LRRC74B: variants seen among roughly 807,000 people sequenced by gnomAD.
LRRC74B encodes the protein leucine-rich repeat-containing protein 74B.
A neutral mutation model predicts 16.6 loss-of-function variants in LRRC74B; 30 were observed. The observed-to-expected ratio is 1.80, with a 90% CI of 1.35 to 2.45. The LOEUF (loss-of-function observed/expected upper bound fraction) is 2.45. Among genes scored for constraint, LRRC74B ranks in the 30% most tolerant of loss-of-function variants. The probability of loss-of-function intolerance (pLI) is 0.00; values close to 1 mark genes in which losing one functional copy is unlikely to be tolerated. For synonymous variants in LRRC74B, 134 were observed against 86.0 expected, an observed-to-expected ratio of 1.56 and a Z score of -3.09; for missense variants, 326 against 202.4, an observed-to-expected ratio of 1.61 and a Z score of -3.71.
At chr22:21,048,473 C>T (rs1929676506) in intron 3 of LRRC74B, 5 of 256,934 alleles carry the variant, frequency 1.9e-5, no homozygotes, top group South Asian at 1.6e-4. Flanking sequence ...AGTTTCTGAT[C>T]TGTGAAATGG....
chr22:21,046,234 C>A (rs1929419602), intron 1 of LRRC74B, 109 bp downstream of exon 1: 1 of 627,384 alleles, frequency 1.6e-6, no homozygotes, highest in Non-Finnish European at 2.9e-6. Flanking sequence ...TACCCGCCTG[C>A]GGGGCGCCTC....
At chr22:21,047,286 A>G in intron 1 of LRRC74B, 70 bp from the exon 2 acceptor site, 1 of 672,086 alleles carries the variant, frequency 1.5e-6, no homozygotes, top group East Asian at 2.7e-5. Flanking sequence ...AGGTAGTGAC[A>G]CAGGGCAGGG....
intron 3 of LRRC74B, chr22:21,048,540 C>T (rs545964596): frequency 1.4e-5 from 4 of 280,246 alleles, no homozygotes; most frequent in South Asian, 9.0e-5. Context: ...AAATGCACTC[C>T]TGAAGTGGTC....
intron 8 of LRRC74B, among the ~76,000 whole-genome samples, chr22:21,057,823 G>C (rs375537504): frequency 0.013 from 1,915 of 146,056 alleles, 105 homozygotes; most frequent in East Asian, 0.09. Context: ...TGCCCAGGCT[G>C]GTTGCAAACT....
At chr22:21,057,393 G>A (rs901963017) in intron 8 of LRRC74B, among the ~76,000 whole-genome samples, 193 bp downstream of exon 8, 1 of 152,218 alleles carries the variant, frequency 6.6e-6, no homozygotes, top group Non-Finnish European at 1.5e-5. Flanking sequence ...CAGACTGCTG[G>A]TTCCACGGGA....
chr22:21,049,830 G>T (rs1004131659), intron 4 of LRRC74B, among the ~76,000 whole-genome samples: 3 of 152,062 alleles, frequency 2.0e-5, no homozygotes, highest in East Asian at 1.9e-4. Context: ...TCTCATCACT[G>T]TCATGCCCCT....
intron 4 of LRRC74B, among the ~76,000 whole-genome samples, chr22:21,050,771 C>G (rs559343524): frequency 2.4e-4 from 23 of 97,530 alleles, no homozygotes; most frequent in Admixed American, 8.7e-4. Flanking sequence ...GAGCGAGACT[C>G]TGTCTCAAAA....
At position 21,052,609 on chromosome 22, in the gene LRRC74B, C is replaced by A. The variant is rs371017648; in HGVS notation, c.732+251C>A. Among the ~76,000 whole-genome samples, 19 of 152,156 alleles carry A rather than the reference C, an allele frequency of 1.2e-4. No homozygotes were observed. The East Asian group carries it at 3.7e-3, about 29-fold the overall frequency. The stretch of plus-strand genomic sequence containing the variant: ...TTGCACCTTCCCCAGACACCATAGA[C>A]ACCCAGCTGGGAAGGGACATCTGTG... On this transcript the variant is annotated intron_variant, in intron 5 of 8. Transcript: ENST00000442047.
chr22:21,060,910 T>C (rs1351043507), downstream of LRRC74B, among the ~76,000 whole-genome samples: 1 of 152,182 alleles, frequency 6.6e-6, no homozygotes, highest in Non-Finnish European at 1.5e-5. Context: ...GGGCACAGCC[T>C]TTTTGGAAGG....
At chr22:21,055,224 A>G (rs1168115583) in intron 7 of LRRC74B, 48 bp downstream of exon 7, 2 of 702,902 alleles carry the variant, frequency 2.8e-6, no homozygotes, top group African/African-American at 3.5e-5. Context: ...CCTGCCCTGT[A>G]ACAGTCCACA....
chr22:21,053,404 TG>T lies in LRRC74B; in HGVS notation c.781del (p.Asp261IlefsTer11). 1.4e-6 allele frequency: 1 copy of T among 717,590 alleles called. No individual in the cohort carries two copies. The allele number at this position is 717,590 out of a possible 1,614,324, so 44.5% of individuals were successfully genotyped here. ...TTCTAGACATCTCATACAATGGCTT[TG>T]GGGATCCTGGAGCCTCTGCGGTGGG... On this transcript the variant is annotated frameshift_variant, in exon 6 of 9. Coordinates refer to ENST00000442047, the Ensembl canonical transcript of LRRC74B. LOFTEE classifies it high-confidence loss of function.
chr22:21,045,958 G>T (rs1569191809), upstream of LRRC74B: 3 of 716,070 alleles, frequency 4.2e-6, no homozygotes, highest in South Asian at 4.4e-5. Flanking sequence ...CTCCGACTCA[G>T]TGTCTGAGAC....
In LRRC74B at chr22:21,057,210, T is replaced by A; in HGVS notation, c.1023+10T>A. 1.4e-6 allele frequency: 1 copy of A among 717,082 alleles called. No individual in the cohort carries two copies. The highest frequency in any genetic ancestry group is 1.5e-5 in the South Asian group (1 of 67,536). 44.4% of individuals were successfully genotyped at this position (717,082 alleles called of 1,614,324 possible). A position where few individuals can be genotyped will look rare whatever the true frequency, so the allele number is the denominator to read the frequency against. ...ACTGCTGGATTTCTCAGTAAGAGCA[T>A]TTTATAAACCTCGTTTCTGATCCTC... On this transcript the variant is annotated intron_variant, in intron 8 of 8. Transcript: ENST00000442047.
exon 6 of LRRC74B, chr22:21,053,450 A>G (rs201222591): frequency 7.9e-5 from 57 of 717,130 alleles, no homozygotes; most frequent in Non-Finnish European, 1.2e-4. Flanking sequence ...GAAGGCCAAC[A>G]ACGTGTTGGA....
downstream of LRRC74B, chr22:21,062,733 A>T (rs1194876527): frequency 6.6e-6 from 1 of 151,190 alleles, no homozygotes; most frequent in East Asian, 1.9e-4. Context: ...AAAAAAAAAA[A>T]AAGGAAGAAT....
At chr22:21,063,234 G>A (rs558702382), downstream of LRRC74B, 2 of 152,086 alleles carry the variant, frequency 1.3e-5, no homozygotes, top group South Asian at 4.1e-4. Context: ...TTCAAAAGGA[G>A]TATTGAGTCC....
At chr22:21,061,326 A>G (rs1930796860), downstream of LRRC74B, among the ~76,000 whole-genome samples, 1 of 152,220 alleles carries the variant, frequency 6.6e-6, no homozygotes, top group Non-Finnish European at 1.5e-5. Context: ...CTCAAAAAAA[A>G]AAAAGATGCC....
rs1444096842 is a variant in LRRC74B at position 21,053,355 on chromosome 22, T to C, written c.733-5T>C. 3 of 716,600 alleles carry C rather than the reference T, an allele frequency of 4.2e-6. No individual in the cohort carries two copies. The highest frequency in any genetic ancestry group is 7.8e-6 in the Non-Finnish European group (3 of 384,676). The allele number at this position is 716,600 out of a possible 1,614,324, so 44.4% of individuals were successfully genotyped here. A position where few individuals can be genotyped will look rare whatever the true frequency, so the allele number is the denominator to read the frequency against. ...GTCCCATGACTTCACTCTTTGGTAT[T>C]CTAGGCAAACATCTTCCTTAAAGTT... On this transcript the variant is annotated splice_polypyrimidine_tract_variant and splice_region_variant and intron_variant, in intron 5 of 8. Transcript: ENST00000442047.
At chr22:21,049,233 C>G (rs376461245) in intron 4 of LRRC74B, 76 bp downstream of exon 4, 4 of 617,918 alleles carry the variant, frequency 6.5e-6, no homozygotes, top group Admixed American at 5.6e-5. Flanking sequence ...TTGGCAGGAC[C>G]GCGCTGCACA....
Sources: allele counts gnomAD v4.1 joint callset (sites outside exome capture counted in the v4.1 genomes callset), GRCh38; gene constraint gnomAD v4.1.1; transcripts MANE v1.5; gene names NCBI Gene and HGNC (gene_info 2026-07-23, HGNC 2026-07-21).